NPEPPS: variants seen among roughly 807,000 people sequenced by gnomAD.
NPEPPS encodes aminopeptidase puromycin sensitive.
NPEPPS carries 14 observed loss-of-function variants against 115.5 expected under a neutral mutation model. The ratio of observed to expected loss-of-function variants is 0.12; its 90% confidence interval spans 0.08 to 0.19. NPEPPS has a LOEUF of 0.19. Ranked by LOEUF, NPEPPS falls within the 10% of genes least tolerant of loss-of-function variation. The pLI is 1.00. For synonymous variants in NPEPPS, 285 were observed against 390.6 expected, an observed-to-expected ratio of 0.73 and a Z score of 3.19; for missense variants, 523 against 1,110.8, an observed-to-expected ratio of 0.47 and a Z score of 7.52.
intron 1 of NPEPPS, among the ~76,000 whole-genome samples, chr17:47,542,207 C>T (rs2317799): frequency 2.6e-5 from 4 of 152,150 alleles, no homozygotes; most frequent in East Asian, 1.9e-4. Flanking sequence ...TAATAAAAAA[C>T]GGGAGACTGC....
At chr17:47,574,627 GT>G (rs1175204058) in intron 3 of NPEPPS, among the ~76,000 whole-genome samples, 1 of 152,022 alleles carries the variant, frequency 6.6e-6, no homozygotes, top group African/African-American at 2.4e-5. Flanking sequence ...AAGTCTCTCT[GT>G]CACCCAGGCT....
At chr17:47,569,821 G>A (rs1412482761) in intron 3 of NPEPPS, among the ~76,000 whole-genome samples, 1 of 152,238 alleles carries the variant, frequency 6.6e-6, no homozygotes, top group East Asian at 1.9e-4. Flanking sequence ...GTTTCGCCAT[G>A]TTGGCCAGGC....
intron 2 of NPEPPS, among the ~76,000 whole-genome samples, chr17:47,555,448 A>G (rs1909938758): frequency 6.6e-6 from 1 of 151,582 alleles, no homozygotes; most frequent in South Asian, 2.1e-4. Context: ...CCCGGGTTCA[A>G]GTGATTCTCC....
At chr17:47,601,524 C>G in intron 14 of NPEPPS, 84 bp from the exon 15 acceptor site, 1 of 1,500,076 alleles carries the variant, frequency 6.7e-7, no homozygotes, top group Non-Finnish European at 9.1e-7. Context: ...GGCTTAGGCT[C>G]CTGGTTAGAA....
At chr17:47,541,877 G>T (rs533842549) in intron 1 of NPEPPS, among the ~76,000 whole-genome samples, 34 of 152,298 alleles carry the variant, frequency 2.2e-4, no homozygotes, top group Middle Eastern at 3.4e-3. Context: ...GAAACATGAA[G>T]ATTTATGAGA....
chr17:47,532,824 A>G (rs1195998193), intron 1 of NPEPPS, among the ~76,000 whole-genome samples: 1 of 152,206 alleles, frequency 6.6e-6, no homozygotes, highest in East Asian at 1.9e-4. Flanking sequence ...GACCATCAGT[A>G]TAGATGCCCG....
At position 47,562,863 on chromosome 17, in the gene NPEPPS, A is replaced by G. The variant is rs147630920; in HGVS notation, c.341-6554A>G. On this transcript the variant is annotated intron_variant, in intron 2 of 22. Coordinates refer to ENST00000322157, the MANE Select transcript of NPEPPS (RefSeq NM_006310.4). ...TTCTGTAATTTATTCATATTTGTCC[A>G]TTTTTAATTGCAGTGTTATTCTTGT... 2.5e-3 allele frequency among the ~76,000 whole-genome samples: 376 copies of G among 150,828 alleles called. 3 individuals carry two copies. The highest frequency in any genetic ancestry group is 8.8e-3 in the African/African-American group (362 of 41,288).
chr17:47,585,437 G>A (rs1328310605), intron 5 of NPEPPS, 63 bp from the exon 6 acceptor site: 5 of 1,175,058 alleles, frequency 4.3e-6, no homozygotes, highest in African/African-American at 1.5e-5. Context: ...GTTTTTGGCT[G>A]GTATTTGCTC....
intron 2 of NPEPPS, among the ~76,000 whole-genome samples, chr17:47,563,943 T>C (rs1910624260): frequency 6.6e-6 from 1 of 151,978 alleles, no homozygotes. Flanking sequence ...TATAATTTTT[T>C]TTTTCTTTGA....
chr17:47,531,207 C>T lies in NPEPPS; in HGVS notation c.-94C>T, dbSNP rs1261548655. The T allele has an allele frequency of 5.6e-6, 8 of 1,430,598 alleles. No homozygotes were observed. Among genetic ancestry groups the T allele is most frequent in the Non-Finnish European group, 7.3e-6 (8 of 1,096,248 alleles). 88.6% of individuals were successfully genotyped at this position (1,430,598 alleles called of 1,614,324 possible). A position where few individuals can be genotyped will look rare whatever the true frequency, so the allele number is the denominator to read the frequency against. On this transcript the variant is annotated 5_prime_UTR_variant, in exon 1 of 23. Coordinates refer to ENST00000322157, the MANE Select transcript of NPEPPS (RefSeq NM_006310.4). ...CCGCCCGCCAGTCCGCCCGCACCGC[C>T]TCCTTCCCAGCCCCTAGCGCTCCGG...
At chr17:47,546,161 T>C (rs1218576840) in intron 2 of NPEPPS, among the ~76,000 whole-genome samples, 168 bp downstream of exon 2, 1 of 151,918 alleles carries the variant, frequency 6.6e-6, no homozygotes, top group Non-Finnish European at 1.5e-5. Flanking sequence ...GTGAAGTGGC[T>C]CACGCCTGTA....
At chr17:47,600,994 G>A (rs555748625) in intron 14 of NPEPPS, among the ~76,000 whole-genome samples, 37 of 152,210 alleles carry the variant, frequency 2.4e-4, no homozygotes, top group South Asian at 6.2e-4. Flanking sequence ...AGGCTGAGGC[G>A]TGTGGATCCC....
chr17:47,537,561 C>G (rs1270614876), intron 1 of NPEPPS, among the ~76,000 whole-genome samples: 1 of 151,664 alleles, frequency 6.6e-6, no homozygotes, highest in Non-Finnish European at 1.5e-5. Flanking sequence ...GGCGTGGTGG[C>G]ACATGCCTGT....
Position 47,619,733 on chromosome 17 carries a change from G to A in NPEPPS, c.2560-4G>A. ...ACTTACTGTTTAAAACCATTGTTTTGCAGCTATCAGTTGAGGGATTTGCAG... is the reference window on the plus strand; with the variant it reads ...ACTTACTGTTTAAAACCATTGTTTTACAGCTATCAGTTGAGGGATTTGCAG... On this transcript the variant is annotated splice_polypyrimidine_tract_variant and splice_region_variant and intron_variant, in intron 21 of 22. Transcript: ENST00000322157. 1.2e-6 allele frequency: 2 copies of A among 1,613,094 alleles called. No homozygotes were observed. Among genetic ancestry groups the A allele is most frequent in the African/African-American group, 2.7e-5 (2 of 74,996 alleles).
At chr17:47,611,148 G>C (rs942018219) in intron 17 of NPEPPS, among the ~76,000 whole-genome samples, 1 of 151,680 alleles carries the variant, frequency 6.6e-6, no homozygotes, top group South Asian at 2.1e-4. Context: ...CACCGCGCCC[G>C]TCCTTTTGTT....
At chr17:47,620,697 CTA>C (rs1914512849) in intron 22 of NPEPPS, among the ~76,000 whole-genome samples, 1 of 152,150 alleles carries the variant, frequency 6.6e-6, no homozygotes, top group African/African-American at 2.4e-5. Context: ...TCTAAAAGGT[CTA>C]TGTTTAATCA....
upstream of NPEPPS, among the ~76,000 whole-genome samples, chr17:47,528,312 T>C (rs1907521668): frequency 6.6e-6 from 1 of 151,986 alleles, no homozygotes; most frequent in Non-Finnish European, 1.5e-5. Context: ...AAAAAAAAAT[T>C]ATTATATGTT....
chr17:47,557,946 T>A (rs1222876765), intron 2 of NPEPPS, among the ~76,000 whole-genome samples: 1 of 150,352 alleles, frequency 6.7e-6, no homozygotes, highest in Non-Finnish European at 1.5e-5. Context: ...GTTTTTTTTT[T>A]TTTTTGTACA....
At chr17:47,614,882 C>A (rs2143968964) in intron 19 of NPEPPS, among the ~76,000 whole-genome samples, 1 of 152,300 alleles carries the variant, frequency 6.6e-6, no homozygotes, top group African/African-American at 2.4e-5. Context: ...TTCTGACTTA[C>A]AGGGAGTTCA....
Sources: allele counts gnomAD v4.1 joint callset (sites outside exome capture counted in the v4.1 genomes callset), GRCh38; gene constraint gnomAD v4.1.1; transcripts MANE v1.5; gene names NCBI Gene and HGNC (gene_info 2026-07-23, HGNC 2026-07-21).